TMEM51: variants seen among roughly 807,000 people sequenced by gnomAD.
TMEM51 encodes transmembrane protein 51, also known as chromosome 1 open reading frame 72.
TMEM51 carries 8 observed loss-of-function variants against 13.6 expected under a neutral mutation model. That is an observed-to-expected ratio of 0.59 (90% CI 0.35 to 1.07). The LOEUF (loss-of-function observed/expected upper bound fraction) is 1.07, where lower values mean the gene tolerates loss of function less well. TMEM51 is among the 50% of genes least tolerant of loss of function. The probability of loss-of-function intolerance (pLI) is 0.02; values close to 1 mark genes in which losing one functional copy is unlikely to be tolerated. For missense variants in TMEM51, 279 were observed against 330.7 expected (o/e 0.84, Z 1.21); for synonymous variants, 147 against 144.4 (o/e 1.02, Z -0.13).
chr1:15,213,037 G>A (rs1489635352), intron 2 of TMEM51, among the ~76,000 whole-genome samples: 1 of 152,228 alleles, frequency 6.6e-6, no homozygotes, highest in Admixed American at 6.5e-5. Flanking sequence ...TAGACTTTCT[G>A]TATGTCCCAC....
chr1:15,216,008 G>A (rs1363468328), intron 3 of TMEM51, among the ~76,000 whole-genome samples: 1 of 151,932 alleles, frequency 6.6e-6, no homozygotes, highest in Non-Finnish European at 1.5e-5. Flanking sequence ...CTCCAGCCTG[G>A]GTGACAGAGT....
At chr1:15,166,086 T>C (rs1045282034) in intron 1 of TMEM51, among the ~76,000 whole-genome samples, 1 of 151,748 alleles carries the variant, frequency 6.6e-6, no homozygotes, top group African/African-American at 2.4e-5. Flanking sequence ...CCATGGGGGG[T>C]TTCGATATTC....
chr1:15,166,045 G>A (rs1157793281), intron 1 of TMEM51, among the ~76,000 whole-genome samples: 3 of 152,184 alleles, frequency 2.0e-5, no homozygotes, highest in Non-Finnish European at 4.4e-5. Context: ...TACCATCATA[G>A]ATATTTATCA....
rs1553201486 is a variant in TMEM51, at chr1:15,192,461, C to CT, written c.-266-18020dup. The CT allele has an allele frequency of 6.4e-3, 247 of 38,362 alleles. 25 individuals are homozygous for CT. Among genetic ancestry groups the CT allele is most frequent in the Non-Finnish European group, 7.8e-3 (196 of 25,114 alleles). The allele number at this position is 38,362 out of a possible 1,614,324, so 2.4% of individuals were successfully genotyped here. A position where few individuals can be genotyped will look rare whatever the true frequency, so the allele number is the denominator to read the frequency against. ...TTCTTTCTTTCTTTCTTTTCTTTTC[C>CT]TTTTTTTTTATGACAGAATCTTGCT... On this transcript the variant is annotated intron_variant, in intron 1 of 3. Transcript: ENST00000376008.
intron 1 of TMEM51, among the ~76,000 whole-genome samples, chr1:15,190,017 C>T (rs975573412): frequency 3.9e-5 from 6 of 152,234 alleles, no homozygotes; most frequent in South Asian, 2.1e-4. Flanking sequence ...CCTTCCCTCT[C>T]TCTGTCATTA....
At chr1:15,206,241 AAAAAAG>A (rs1246789946) in intron 1 of TMEM51, among the ~76,000 whole-genome samples, 9 of 146,170 alleles carry the variant, frequency 6.2e-5, no homozygotes, top group Admixed American at 3.4e-4. Flanking sequence ...AAAAAAAAAA[AAAAAAG>A]AGAGAGAGAA....
intron 1 of TMEM51, among the ~76,000 whole-genome samples, chr1:15,181,422 G>T (rs997617797): frequency 1.3e-5 from 2 of 152,182 alleles, no homozygotes; most frequent in African/African-American, 4.8e-5. Context: ...AACAGGTGTA[G>T]CAAAAAGCCT....
In TMEM51 at chr1:15,165,002, C is replaced by T. The variant is rs1470000653; in HGVS notation, c.-267+11048C>T. 2.0e-5 allele frequency among the ~76,000 whole-genome samples: 3 copies of T among 152,030 alleles called. No homozygotes were observed. The East Asian group carries it at 5.8e-4, about 29-fold the overall frequency. ...ATTTGTAGTAGAGACGAGGTTTCAC[C>T]ATGTTGGCCAGGATGGTCTCCACCT... On this transcript the variant is annotated intron_variant, in intron 1 of 3. Coordinates refer to ENST00000376008, the MANE Select transcript of TMEM51 (RefSeq NM_001136218.2).
chr1:15,176,526 G>C (rs1481141150), intron 1 of TMEM51, among the ~76,000 whole-genome samples: 1 of 152,206 alleles, frequency 6.6e-6, no homozygotes, highest in Non-Finnish European at 1.5e-5. Context: ...GGTAGGGGAG[G>C]AGAGAAAGGC....
intron 1 of TMEM51, among the ~76,000 whole-genome samples, chr1:15,182,408 G>A (rs1643650020): frequency 6.6e-6 from 1 of 152,148 alleles, no homozygotes; most frequent in African/African-American, 2.4e-5. Context: ...GCAAGCTTTT[G>A]GCACAGCGTC....
intron 1 of TMEM51, among the ~76,000 whole-genome samples, chr1:15,171,497 C>T (rs1250672314): frequency 1.3e-5 from 2 of 152,034 alleles, no homozygotes; most frequent in Non-Finnish European, 2.9e-5. Context: ...GCCAAGTGTC[C>T]GCGGGGGGGC....
intron 2 of TMEM51, among the ~76,000 whole-genome samples, chr1:15,213,531 T>C (rs142487498): frequency 1.5e-3 from 228 of 152,284 alleles, no homozygotes; most frequent in African/African-American, 5.1e-3. Flanking sequence ...GCAAGGGGCA[T>C]TGCTTGCTCC....
chr1:15,155,885 G>T (rs958925355), intron 1 of TMEM51, among the ~76,000 whole-genome samples: 2 of 152,172 alleles, frequency 1.3e-5, no homozygotes, highest in African/African-American at 4.8e-5. Context: ...CTCTAAGCAG[G>T]GAAGTCGTCT....
chr1:15,175,113 C>T (rs527681178), intron 1 of TMEM51, among the ~76,000 whole-genome samples: 1 of 152,196 alleles, frequency 6.6e-6, no homozygotes, highest in South Asian at 2.1e-4. Flanking sequence ...TAAACTAGGG[C>T]CGTAGGCTGG....
At chr1:15,155,022 T>C (rs1039474422) in intron 1 of TMEM51, among the ~76,000 whole-genome samples, 10 of 152,194 alleles carry the variant, frequency 6.6e-5, no homozygotes, top group African/African-American at 1.7e-4. Context: ...ACAGCTTGTC[T>C]AGGGAACTGT....
rs375928029 is a variant in TMEM51, at chr1:15,193,166, G to A, written c.-266-17324G>A. Among the ~76,000 whole-genome samples, 215 of 152,322 alleles carry A rather than the reference G, an allele frequency of 1.4e-3. 5 individuals carry two copies. The South Asian group carries it at 0.04, about 29-fold the overall frequency. ...CTGAGAAGCCCACAGAACAGCCTGCGCTGTCATCTGGGGGTTTCTGAATTA... is the reference window on the plus strand; with the variant it reads ...CTGAGAAGCCCACAGAACAGCCTGCACTGTCATCTGGGGGTTTCTGAATTA... On this transcript the variant is annotated intron_variant, in intron 1 of 3. Transcript: ENST00000376008.
At chr1:15,218,569 A>C (rs543150732) in intron 3 of TMEM51, among the ~76,000 whole-genome samples, 1 of 152,328 alleles carries the variant, frequency 6.6e-6, no homozygotes, top group Admixed American at 6.5e-5. Context: ...GATAGAAAAC[A>C]GGCAGGACTT....
chr1:15,189,213 CTT>C (rs59346950), intron 1 of TMEM51, among the ~76,000 whole-genome samples: 24 of 92,844 alleles, frequency 2.6e-4, no homozygotes, highest in South Asian at 4.2e-4. Flanking sequence ...CTAATTTTTC[CTT>C]TTTTTTTTTT....
chr1:15,193,594 T>TTTTTTTTTTTTTTG (rs1643983250), intron 1 of TMEM51, among the ~76,000 whole-genome samples: 1 of 116,864 alleles, frequency 8.6e-6, no homozygotes, highest in Non-Finnish European at 1.8e-5. Flanking sequence ...TTTTTTTTTT[T>TTTTTTTTTTTTTTG]TGAGACAGGG....
Sources: gnomAD v4.1 joint callset for allele counts (sites outside exome capture counted in the v4.1 genomes callset) on GRCh38, gnomAD v4.1.1 for gene constraint, MANE v1.5 for transcripts, NCBI Gene and HGNC (gene_info 2026-07-23, HGNC 2026-07-21) for gene names.